The following ABCC1 variants were observed in gnomAD, a reference collection of about 807,000 sequenced individuals.
ABCC1 encodes the protein ATP binding cassette subfamily C member 1 (ABCC1 blood group), also known as multidrug resistance-associated protein 1.
Under a neutral mutation model 172.9 loss-of-function variants are expected in ABCC1, and 83 were observed. The ratio of observed to expected loss-of-function variants is 0.48; its 90% CI spans 0.40 to 0.58. ABCC1 has a LOEUF of 0.58. ABCC1 is among the 20% of genes least tolerant of loss of function. The pLI, the probability that ABCC1 is intolerant of heterozygous loss-of-function variation, is 0.00. For synonymous variants in ABCC1, 937 were observed against 825.2 expected (o/e 1.14, Z -2.32); for missense variants, 1,817 against 2,002.7 (o/e 0.91, Z 1.77).
intron 13 of ABCC1, 60 bp downstream of exon 13, chr16:16,068,362 G>A: frequency 1.3e-6 from 2 of 1,592,110 alleles, no homozygotes; most frequent in African/African-American, 2.7e-5. Context: ...GGCCACGAAA[G>A]CATGGAAGTG....
At chr16:16,117,379 G>T (rs2044937201) in intron 23 of ABCC1, among the ~76,000 whole-genome samples, 1 of 152,168 alleles carries the variant, frequency 6.6e-6, no homozygotes, top group African/African-American at 2.4e-5. Flanking sequence ...CCACGATTCA[G>T]TTATCTCCAC....
chr16:16,123,350 G>T (rs2045250407), intron 24 of ABCC1, among the ~76,000 whole-genome samples: 1 of 152,118 alleles, frequency 6.6e-6, no homozygotes, highest in Non-Finnish European at 1.5e-5. Context: ...AAACAAATAA[G>T]ATGGCCAGGC....
At position 16,106,883 on chromosome 16, in the gene ABCC1, G is replaced by A. The variant is rs1380023183; in HGVS notation, c.2871+10G>A. On this transcript the variant is annotated intron_variant, in intron 21 of 30. Coordinates refer to ENST00000399410, the MANE Select transcript of ABCC1 (RefSeq NM_004996.4). ...GGCGCAGACAGGGCAGGTGAGATTC[G>A]CTCCTTAAGTGATGACAGTGGCTGG... 3.1e-6 allele frequency: 5 copies of A among 1,613,790 alleles called. No homozygotes were observed. The highest frequency in any genetic ancestry group is 1.7e-5 in the Admixed American group (1 of 59,974).
intron 5 of ABCC1, among the ~76,000 whole-genome samples, chr16:16,017,460 C>T (rs962784347): frequency 1.3e-5 from 2 of 152,010 alleles, no homozygotes; most frequent in Non-Finnish European, 2.9e-5. Flanking sequence ...TGTGCAAGTT[C>T]GTTACATAGG....
At chr16:16,006,853 C>T (rs111235451) in intron 1 of ABCC1, among the ~76,000 whole-genome samples, 33 of 132,370 alleles carry the variant, frequency 2.5e-4, no homozygotes, top group African/African-American at 1.1e-3. Context: ...GTGGTGGTGG[C>T]GGTGGCGGTG....
At position 16,114,857 on chromosome 16, in the gene ABCC1, G is replaced by T; in HGVS notation, c.3171G>T (p.Leu1057=). The change falls in exon 23 of 31, where the codon CTG becomes CTT. Residue 1057 remains leucine (L), a synonymous_variant. Transcript: ENST00000399410. ...CLHVDLLHSI[L]RSPMSFFERT... ...ACGTGGACCTGCTGCACAGCATCCTGCGGTCACCCATGAGCTTCTTTGAGC... is the reference window on the plus strand; with the variant it reads ...ACGTGGACCTGCTGCACAGCATCCTTCGGTCACCCATGAGCTTCTTTGAGC... 6.2e-7 allele frequency: 1 copy of T among 1,613,998 alleles called. No individual in the cohort carries two copies. Among genetic ancestry groups the T allele is most frequent in the Non-Finnish European group, 8.5e-7 (1 of 1,179,960 alleles).
intron 1 of ABCC1, among the ~76,000 whole-genome samples, chr16:15,980,043 C>T (rs902437406): frequency 1.7e-4 from 26 of 151,818 alleles, no homozygotes; most frequent in South Asian, 1.5e-3. Context: ...AGTGAGACAT[C>T]GAAAAAATAA....
chr16:16,068,125 C>T, intron 12 of ABCC1, 31 bp from the exon 13 acceptor site: 1 of 1,613,390 alleles, frequency 6.2e-7, no homozygotes, highest in South Asian at 1.1e-5. Context: ...ACTCGGGGCA[C>T]AGCAGTCAGC....
chr16:16,036,323 C>T (rs2048754558), intron 6 of ABCC1, 149 bp from the exon 7 acceptor site: 1 of 626,142 alleles, frequency 1.6e-6, no homozygotes, highest in Non-Finnish European at 2.6e-6. Flanking sequence ...TTCTGACTTC[C>T]CAAGCTGCAT....
intron 6 of ABCC1, among the ~76,000 whole-genome samples, chr16:16,035,615 C>T (rs1232696786): frequency 1.3e-5 from 2 of 151,686 alleles, no homozygotes; most frequent in African/African-American, 4.8e-5. Context: ...CTCAGCCTCC[C>T]GAGTAGCTGG....
intron 19 of ABCC1, among the ~76,000 whole-genome samples, chr16:16,095,873 C>T (rs558175535): frequency 1.3e-5 from 2 of 152,188 alleles, no homozygotes; most frequent in South Asian, 4.1e-4. Flanking sequence ...ATCTGTTAAC[C>T]TCATGGCAAA....
At chr16:16,087,550 C>T (rs531876158) in intron 18 of ABCC1, among the ~76,000 whole-genome samples, 8 of 152,256 alleles carry the variant, frequency 5.3e-5, no homozygotes, top group South Asian at 4.1e-4. Context: ...CTCCGCATCT[C>T]GGGTTCAAGC....
At chr16:16,058,631 A>G (rs1408421193) in intron 12 of ABCC1, among the ~76,000 whole-genome samples, 3 of 152,102 alleles carry the variant, frequency 2.0e-5, no homozygotes. Context: ...AATCACCTGG[A>G]GAGCTTGTTA....
Position 16,016,582 on chromosome 16 carries a change from A to G in ABCC1, c.576A>G (p.Ser192=). The change falls in exon 5 of 31, where the codon TCA becomes TCG. Residue 192 remains serine (S), a synonymous_variant. Coordinates refer to ENST00000399410, the MANE Select transcript of ABCC1 (RefSeq NM_004996.4). Reference sequence around the variant, plus strand: ...TTCAGCTCGTCTTGTCCTGTTTCTCAGATCGCTCACCCCTGTTCTCGGAAA... The same window carrying G: ...TTCAGCTCGTCTTGTCCTGTTTCTCGGATCGCTCACCCCTGTTCTCGGAAA... ...LLIQLVLSCF[S]DRSPLFSETI... is the part of the protein sequence containing the mutation. 2 of 1,614,106 alleles carry G rather than the reference A, an allele frequency of 1.2e-6. No homozygotes were observed. Among genetic ancestry groups the G allele is most frequent in the South Asian group, 1.1e-5 (1 of 91,076 alleles).
intron 18 of ABCC1, among the ~76,000 whole-genome samples, chr16:16,089,479 C>T (rs2051148052): frequency 6.6e-6 from 1 of 151,332 alleles, no homozygotes; most frequent in African/African-American, 2.4e-5. Flanking sequence ...ACCCAGGAAG[C>T]ATAGGTTGTG....
intron 24 of ABCC1, among the ~76,000 whole-genome samples, chr16:16,124,554 T>C (rs553153156): frequency 6.6e-6 from 1 of 152,332 alleles, no homozygotes; most frequent in African/African-American, 2.4e-5. Context: ...AGCTCTGTTT[T>C]AATCCATGGG....
intron 1 of ABCC1, among the ~76,000 whole-genome samples, chr16:15,991,988 C>G (rs914931367): frequency 6.6e-6 from 1 of 152,070 alleles, no homozygotes; most frequent in Non-Finnish European, 1.5e-5. Context: ...GGCAGGCGAG[C>G]GTGTGAGACT....
At chr16:16,129,013 G>T (rs200542531) in intron 26 of ABCC1, among the ~76,000 whole-genome samples, 3 of 136,636 alleles carry the variant, frequency 2.2e-5, no homozygotes, top group African/African-American at 5.2e-5. Flanking sequence ...AAAAAACAAA[G>T]AAGTTTATGG....
In ABCC1 at chr16:16,111,433, T is replaced by C; in HGVS notation, c.2930T>C (p.Leu977Pro). 1.9e-6 allele frequency: 3 copies of C among 1,614,168 alleles called. No individual in the cohort carries two copies. The highest frequency in any genetic ancestry group is 2.5e-6 in the Non-Finnish European group (3 of 1,180,022). ...MKAIGLFISF[L>P]SIFLFMCNHV... ...GCCATCGGACTCTTCATCTCCTTCCTCAGCATCTTCCTTTTCATGTGTAAC... is the reference window on the plus strand; with the variant it reads ...GCCATCGGACTCTTCATCTCCTTCCCCAGCATCTTCCTTTTCATGTGTAAC... The change falls in exon 22 of 31, where the codon CTC becomes CCC. Residue 977 changes from leucine to proline, a missense_variant. This residue lies in a region of ABCC1 where 1,412 missense variants were observed against 1,600.3 expected (regional missense o/e 0.88). Coordinates refer to ENST00000399410, the MANE Select transcript of ABCC1 (RefSeq NM_004996.4).
Sources: allele counts gnomAD v4.1 joint callset (sites outside exome capture counted in the v4.1 genomes callset), GRCh38; gene constraint gnomAD v4.1.1; regional missense constraint gnomAD v4.1.1; transcripts MANE v1.5; gene names NCBI Gene and HGNC (gene_info 2026-07-23, HGNC 2026-07-21).